WBP4: variants seen among roughly 807,000 people sequenced by gnomAD.
The protein encoded by WBP4 is WW domain binding protein 4.
WBP4 carries 37 observed loss-of-function variants against 55.4 expected under a neutral mutation model. The ratio of observed to expected loss-of-function variants is 0.67; its 90% CI spans 0.51 to 0.88. WBP4 has a LOEUF of 0.88. Among genes scored for constraint, WBP4 ranks in the 40% least tolerant of loss-of-function variants. WBP4 has a pLI of 0.00. For synonymous variants in WBP4, 142 were observed against 140.2 expected, an observed-to-expected ratio of 1.01 and a Z score of -0.09; for missense variants, 398 against 420.8, an observed-to-expected ratio of 0.95 and a Z score of 0.47.
At position 41,063,329 on chromosome 13, in the gene WBP4, A is replaced by G. The variant is rs144340551; in HGVS notation, c.75+613A>G. 7.5e-3 allele frequency among the ~76,000 whole-genome samples: 1,144 copies of G among 152,306 alleles called. 54 individuals are homozygous for G. The highest frequency in any genetic ancestry group is 0.064 in the Admixed American group (976 of 15,294). On this transcript the variant is annotated intron_variant, in intron 2 of 9. Transcript: ENST00000379487. ...GTACATACCACATAAACACTAGGGT[A>G]TCTGTTAAATATATTTTATGTTGAT...
chr13:41,079,523 CAG>C (rs1291243389), intron 8 of WBP4, among the ~76,000 whole-genome samples: 5 of 116,148 alleles, frequency 4.3e-5, no homozygotes, highest in Non-Finnish European at 8.3e-5. Flanking sequence ...GCCTGGGTGA[CAG>C]AGCAAGACTC....
intron 9 of WBP4, 98 bp from the exon 10 acceptor site, chr13:41,082,606 C>T: frequency 9.1e-7 from 1 of 1,100,404 alleles, no homozygotes; most frequent in South Asian, 1.5e-5. Context: ...AAATGAGCAA[C>T]TTCTAATGTC....
intron 2 of WBP4, among the ~76,000 whole-genome samples, chr13:41,063,817 G>A (rs1478038211): frequency 6.6e-6 from 1 of 152,072 alleles, no homozygotes; most frequent in South Asian, 2.1e-4. Context: ...AAAACAGGAG[G>A]ATTATCTGCT....
At position 41,062,287 on chromosome 13, in the gene WBP4, A is replaced by G. The variant is rs1877714368; in HGVS notation, c.3-357A>G. On this transcript the variant is annotated intron_variant, in intron 1 of 9. Coordinates refer to ENST00000379487, the MANE Select transcript of WBP4 (RefSeq NM_007187.5). ...AATAACTTGATTTAAGGCAAACTTT[A>G]TGAGTTTCTTCAGGTTTCCATTACA... 5 of 984,832 alleles carry G rather than the reference A, an allele frequency of 5.1e-6. No individual in the cohort carries two copies. The Admixed American group carries it at 3.1e-4, about 61-fold the overall frequency. The allele number at this position is 984,832 out of a possible 1,614,324, so 61.0% of individuals were successfully genotyped here. A position where few individuals can be genotyped will look rare whatever the true frequency, so the allele number is the denominator to read the frequency against.
intron 8 of WBP4, among the ~76,000 whole-genome samples, chr13:41,078,100 C>A (rs565137439): frequency 1.3e-5 from 2 of 152,184 alleles, no homozygotes; most frequent in Non-Finnish European, 2.9e-5. Context: ...CAATCCCTAT[C>A]AAATTACCAA....
At chr13:41,063,292 T>C (rs552966770) in intron 2 of WBP4, among the ~76,000 whole-genome samples, 102 of 152,352 alleles carry the variant, frequency 6.7e-4, no homozygotes, top group African/African-American at 2.2e-3. Context: ...CTCTTGCATG[T>C]CAAAATACTA....
At position 41,082,836 on chromosome 13, in the gene WBP4, A is replaced by C; in HGVS notation, c.1053A>C (p.Gly351=). The C allele has an allele frequency of 1.2e-6, 2 of 1,614,152 alleles. No homozygotes were observed. Among genetic ancestry groups the C allele is most frequent in the African/African-American group, 2.7e-5 (2 of 75,046 alleles). Residue 351 remains glycine (G), a synonymous_variant, in exon 10 of 10, where the codon GGA becomes GGC. Transcript: ENST00000379487. ...CTTCTCTTGGAGTTATGGCAGATGGAGTGGCCCCAGTCTTCAAAAAGAGAA... is the reference window on the plus strand; with the variant it reads ...CTTCTCTTGGAGTTATGGCAGATGGCGTGGCCCCAGTCTTCAAAAAGAGAA... ...TVTSLGVMAD[G]VAPVFKKRRT... is the part of the protein sequence containing the mutation.
rs1046021444 is a variant in WBP4 at position 41,076,383 on chromosome 13, A to G, written c.756+146A>G. The G allele has an allele frequency of 3.2e-4, 204 of 636,798 alleles. 1 individual carries two copies. The African/African-American group carries it at 3.3e-3, about 10-fold the overall frequency. 39.4% of individuals were successfully genotyped at this position (636,798 alleles called of 1,614,324 possible). On this transcript the variant is annotated intron_variant, in intron 8 of 9. Coordinates refer to ENST00000379487, the MANE Select transcript of WBP4 (RefSeq NM_007187.5). Reference sequence around the variant, plus strand: ...AACCTCCACCTTCCGGGTTCAAGCAATTCTCCTGCCTCAGCCTCCCGAGTA... The same window carrying G: ...AACCTCCACCTTCCGGGTTCAAGCAGTTCTCCTGCCTCAGCCTCCCGAGTA...
At chr13:41,064,768 A>G (rs1045336124) in intron 2 of WBP4, among the ~76,000 whole-genome samples, 3 of 152,116 alleles carry the variant, frequency 2.0e-5, no homozygotes, top group Non-Finnish European at 4.4e-5. Context: ...ATTTTTCTCC[A>G]TTAATAAGGT....
At position 41,068,614 on chromosome 13, in the gene WBP4, A is replaced by T. The variant is rs2138466112; in HGVS notation, c.316A>T (p.Thr106Ser). Residue 106 changes from threonine to serine, a missense_variant, in exon 5 of 10, where the codon ACA becomes TCA. Physicochemically the swap from Thr to Ser is moderately conservative, Grantham distance 58. Coordinates refer to ENST00000379487, the MANE Select transcript of WBP4 (RefSeq NM_007187.5). ...PVTSTIPPTS[T>S]SNQQKEKKEK... is the part of the protein sequence containing the mutation. ...AACCAGCACTATCCCACCTACCTCG[A>T]CATCAAATCAACAGAAAGAAAAGAA... is the stretch of plus-strand genomic sequence containing the variant. 1.2e-6 allele frequency: 2 copies of T among 1,613,590 alleles called. No homozygotes were observed. Among genetic ancestry groups the T allele is most frequent in the East Asian group, 4.5e-5 (2 of 44,850 alleles).
At position 41,076,101 on chromosome 13, in the gene WBP4, G is replaced by C; in HGVS notation, c.620G>C (p.Ser207Thr). 6.2e-7 allele frequency: 1 copy of C among 1,613,460 alleles called. No homozygotes were observed. The highest frequency in any genetic ancestry group is 8.5e-7 in the Non-Finnish European group (1 of 1,179,922). The change falls in exon 8 of 10, where the codon AGT becomes ACT. Residue 207 changes from serine to threonine, a missense_variant. Physicochemically the swap from Ser to Thr is moderately conservative, Grantham distance 58 (BLOSUM62 1). Transcript: ENST00000379487. ...FIPHTSDLPS[S>T]KVNENSLGTL... ...CCACACACTAGTGATCTGCCTTCTA[G>C]TAAGGTCAATGAAAATTCACTTGGC...
Position 41,065,155 on chromosome 13 carries a change from C to A in WBP4, c.139-9C>A. 1.2e-6 allele frequency: 2 copies of A among 1,609,004 alleles called. No homozygotes were observed. The highest frequency in any genetic ancestry group is 3.4e-5 in the Admixed American group (2 of 58,696). ...ATCTCACTTTCACTGTTATGTATGT[C>A]TTACATAGATTAAACAGAAAAGCCT... On this transcript the variant is annotated splice_polypyrimidine_tract_variant and intron_variant, in intron 3 of 9. Transcript: ENST00000379487.
rs9566688 is a variant in WBP4, at chr13:41,077,962, A to G, written c.756+1725A>G. 2.7e-3 allele frequency among the ~76,000 whole-genome samples: 415 copies of G among 152,338 alleles called. 8 individuals carry two copies. In the East Asian group the frequency reaches 0.049, roughly 18 times the overall value. ...GAAGTGAAAGATCCCTACAAAATGA[A>G]CTACAAAACACTGATTAAAGAAATC... On this transcript the variant is annotated intron_variant, in intron 8 of 9. Coordinates refer to ENST00000379487, the MANE Select transcript of WBP4 (RefSeq NM_007187.5).
chr13:41,068,875 G>C, intron 5 of WBP4, 138 bp downstream of exon 5: 1 of 944,978 alleles, frequency 1.1e-6, no homozygotes, highest in East Asian at 2.9e-5. Context: ...TGCCCCAAAG[G>C]TAAGAAAACT....
At position 41,083,772 on chromosome 13, in the gene WBP4, T is replaced by G. The variant is rs1878890415; in HGVS notation, c.*858T>G. The G allele has an allele frequency of 1.3e-5, 2 of 152,196 alleles. 1 individual carries two copies. Among genetic ancestry groups the G allele is most frequent in the Admixed American group, 1.3e-4 (2 of 15,272 alleles). The allele number at this position is 152,196 out of a possible 1,614,324, so 9.4% of individuals were successfully genotyped here. A position where few individuals can be genotyped will look rare whatever the true frequency, so the allele number is the denominator to read the frequency against. On this transcript the variant is annotated 3_prime_UTR_variant, in exon 10 of 10. Transcript: ENST00000379487. ...AAGGTCTCCAGCTTCAGTAAAAGTT[T>G]TTAGTGTTTACTTAAATTAGTAATT...
At position 41,062,374 on chromosome 13, in the gene WBP4, A is replaced by G. The variant is rs1877721840; in HGVS notation, c.3-270A>G. The G allele has an allele frequency of 8.2e-6, 7 of 858,532 alleles. No individual in the cohort carries two copies. The South Asian group carries it at 2.7e-4, about 33-fold the overall frequency. 53.2% of individuals were successfully genotyped at this position (858,532 alleles called of 1,614,324 possible). A position where few individuals can be genotyped will look rare whatever the true frequency, so the allele number is the denominator to read the frequency against. ...TCTAAGATGTTCCTTAGTTTTTCAT[A>G]ACGATGACGATAACAAGTGAGGAAT... is the stretch of plus-strand genomic sequence containing the variant. On this transcript the variant is annotated intron_variant, in intron 1 of 9. Transcript: ENST00000379487.
chr13:41,061,599 A>T lies in WBP4; in HGVS notation c.-75A>T. 1.2e-6 allele frequency: 2 copies of T among 1,612,720 alleles called. No homozygotes were observed. Among genetic ancestry groups the T allele is most frequent in the African/African-American group, 1.3e-5 (1 of 75,028 alleles). ...CGGGTGGGCATCGGGCGGCTGGAAG[A>T]GCTCGACTCGTCCCGCTGGGAAAGC... On this transcript the variant is annotated 5_prime_UTR_variant, in exon 1 of 10. Transcript: ENST00000379487.
intron 9 of WBP4, among the ~76,000 whole-genome samples, chr13:41,082,146 T>G (rs1878809206): frequency 6.6e-6 from 1 of 152,152 alleles, no homozygotes; most frequent in East Asian, 1.9e-4. Context: ...GGCATACAGC[T>G]CCATTCAGTC....
intron 5 of WBP4, among the ~76,000 whole-genome samples, chr13:41,068,998 A>G (rs1392415386): frequency 6.6e-6 from 1 of 152,230 alleles, no homozygotes; most frequent in African/African-American, 2.4e-5. Flanking sequence ...TTCTCAATAG[A>G]AACTTCTGTA....
Sources: allele counts gnomAD v4.1 joint callset (sites outside exome capture counted in the v4.1 genomes callset), GRCh38; gene constraint gnomAD v4.1.1; transcripts MANE v1.5; gene names NCBI Gene and HGNC (gene_info 2026-07-23, HGNC 2026-07-21).